SLC6A19: variants seen among roughly 807,000 people sequenced by gnomAD.
The protein encoded by SLC6A19 is solute carrier family 6 member 19.
A neutral mutation model predicts 68.3 loss-of-function variants in SLC6A19; 67 were observed. The ratio of observed to expected loss-of-function variants is 0.98; its 90% confidence interval spans 0.81 to 1.20. The LOEUF is 1.20. SLC6A19 is among the 50% of genes most tolerant of loss of function. The pLI, the probability that SLC6A19 is intolerant of heterozygous loss-of-function variation, is 0.00. For synonymous variants in SLC6A19, 392 were observed against 374.9 expected (o/e 1.05, Z -0.53); for missense variants, 813 against 851.6 (o/e 0.95, Z 0.56).
chr5:1,219,779 G>C, intron 10 of SLC6A19, 115 bp downstream of exon 10: 1 of 1,455,698 alleles, frequency 6.9e-7, no homozygotes, highest in Non-Finnish European at 9.5e-7. Context: ...TCTATGACTC[G>C]GGGCCTCGGC....
intron 1 of SLC6A19, 75 bp from the exon 2 acceptor site, chr5:1,208,671 A>T (rs1745923875): frequency 6.2e-7 from 1 of 1,606,230 alleles, no homozygotes; most frequent in Admixed American, 1.7e-5. Flanking sequence ...TTTGCTGTGA[A>T]TGCCTGCTCC....
chr5:1,204,678 C>T (rs1447354003), intron 1 of SLC6A19, among the ~76,000 whole-genome samples: 2 of 152,086 alleles, frequency 1.3e-5, no homozygotes, highest in African/African-American at 4.8e-5. Context: ...GGCTGCCCCC[C>T]CAGCTCCTCT....
chr5:1,204,240 T>C (rs1745791557), intron 1 of SLC6A19, among the ~76,000 whole-genome samples: 1 of 152,220 alleles, frequency 6.6e-6, no homozygotes, highest in Non-Finnish European at 1.5e-5. Context: ...GAGTCTCCTG[T>C]GTCTTAACAG....
chr5:1,205,581 A>G (rs1174868932), intron 1 of SLC6A19, among the ~76,000 whole-genome samples: 1 of 152,326 alleles, frequency 6.6e-6, no homozygotes, highest in South Asian at 2.1e-4. Context: ...AAGAGGGGAC[A>G]CCCTGGTGGG....
chr5:1,201,782 C>T lies in SLC6A19; in HGVS notation c.132C>T (p.Thr44=), dbSNP rs770600548. Residue 44 remains threonine, a synonymous_variant, in exon 1 of 12, where the codon ACC becomes ACT. Transcript: ENST00000304460. ...KWDNKAQYML[T]CLGFCVGLGN... is the part of the protein sequence containing the mutation. Reference sequence around the variant, plus strand: ...ACAACAAGGCGCAGTACATGCTCACCTGCCTGGGCTTCTGCGTGGGCCTCG... The same window carrying T: ...ACAACAAGGCGCAGTACATGCTCACTTGCCTGGGCTTCTGCGTGGGCCTCG... 2.9e-5 allele frequency: 47 copies of T among 1,612,662 alleles called. No homozygotes were observed. The South Asian group carries it at 4.9e-4, about 17-fold the overall frequency.
In SLC6A19 at chr5:1,208,870, G is replaced by A. The variant is rs114684753; in HGVS notation, c.327G>A (p.Pro109=). ...GSLGVWSSIH[P]ALKGLGLASM... is the part of the protein sequence containing the mutation. ...TGGGTGTGTGGAGCTCCATCCACCC[G>A]GCCCTGAAGGGCCTAGGTGAGTGCC... The change falls in exon 2 of 12, where the codon CCG becomes CCA. Residue 109 remains proline (P), a synonymous_variant. Transcript: ENST00000304460. 1,454 of 1,612,100 alleles carry A rather than the reference G, an allele frequency of 9.0e-4. 12 individuals are homozygous for A. The African/African-American group carries it at 0.017, about 19-fold the overall frequency.
At chr5:1,216,510 G>A in intron 6 of SLC6A19, 48 bp from the exon 7 acceptor site, 1 of 1,613,040 alleles carries the variant, frequency 6.2e-7, no homozygotes, top group Non-Finnish European at 8.5e-7. Context: ...GCTGTGTCCT[G>A]ACCTGGGACC....
intron 6 of SLC6A19, among the ~76,000 whole-genome samples, chr5:1,216,159 C>T (rs1225386767): frequency 3.9e-5 from 6 of 152,140 alleles, no homozygotes; most frequent in African/African-American, 1.2e-4. Flanking sequence ...CTGGACAGGA[C>T]GCCTAGGGTG....
intron 1 of SLC6A19, 103 bp downstream of exon 1, chr5:1,201,955 A>T: frequency 7.1e-7 from 1 of 1,407,042 alleles, no homozygotes; most frequent in Admixed American, 2.1e-5. Flanking sequence ...CGGCTCCCCA[A>T]GCACGGAGGG....
chr5:1,218,886 G>A lies in SLC6A19; in HGVS notation c.1174-17G>A, dbSNP rs554085286. The A allele has an allele frequency of 1.2e-5, 19 of 1,611,044 alleles. No homozygotes were observed. The highest frequency in any genetic ancestry group is 2.7e-5 in the African/African-American group (2 of 75,018). ...ACGGAGGGCAGAGGCCCTGGTGACT[G>A]TGTGTCATCCGTGCAGGCCGTGGAG... is the stretch of plus-strand genomic sequence containing the variant. On this transcript the variant is annotated splice_polypyrimidine_tract_variant and intron_variant, in intron 8 of 11. Coordinates refer to ENST00000304460, the MANE Select transcript of SLC6A19 (RefSeq NM_001003841.3).
chr5:1,207,213 G>A (rs905981658), intron 1 of SLC6A19, among the ~76,000 whole-genome samples: 3 of 152,196 alleles, frequency 2.0e-5, no homozygotes, highest in African/African-American at 4.8e-5. Context: ...TGCCCTGGCC[G>A]GATGGGAGCC....
In SLC6A19 at chr5:1,212,811, A is replaced by G. The variant is rs1746081738; in HGVS notation, c.663+327A>G. ...TGATGATGGTGATGATGGTGATGATAAAACAGGAAAGTGGAAATGGAAGAG... is the reference window on the plus strand; with the variant it reads ...TGATGATGGTGATGATGGTGATGATGAAACAGGAAAGTGGAAATGGAAGAG... On this transcript the variant is annotated intron_variant, in intron 4 of 11. Transcript: ENST00000304460. This position sits in a 1 kb window ranked among gnomAD's most constrained non-coding sequence, Gnocchi z 5.1. Among the ~76,000 whole-genome samples, 4 of 152,084 alleles carry G rather than the reference A, an allele frequency of 2.6e-5. No homozygotes were observed. The highest frequency in any genetic ancestry group is 4.4e-5 in the Non-Finnish European group (3 of 67,996).
In SLC6A19 at chr5:1,219,117, C is replaced by T. The variant is rs1300938120; in HGVS notation, c.1378+10C>T. 1 of 1,606,532 alleles carries T rather than the reference C, an allele frequency of 6.2e-7. No homozygotes were observed. Among genetic ancestry groups the T allele is most frequent in the Non-Finnish European group, 8.5e-7 (1 of 1,176,754 alleles). The stretch of plus-strand genomic sequence containing the variant: ...AAGGAGGTGCTCACAGGTACGTGTG[C>T]AGTCGGGAGGGGTCCCCATGGCAAT... On this transcript the variant is annotated intron_variant, in intron 9 of 11. Coordinates refer to ENST00000304460, the MANE Select transcript of SLC6A19 (RefSeq NM_001003841.3).
In SLC6A19 at chr5:1,214,505, C is replaced by T. The variant is rs1327123531; in HGVS notation, c.887+440C>T. Among the ~76,000 whole-genome samples, 1 of 152,190 alleles carries T rather than the reference C, an allele frequency of 6.6e-6. No homozygotes were observed. Among genetic ancestry groups the T allele is most frequent in the Non-Finnish European group, 1.5e-5 (1 of 68,028 alleles). On this transcript the variant is annotated intron_variant, in intron 6 of 11. Transcript: ENST00000304460. The surrounding 1 kb of genome is among the most constrained non-coding windows in gnomAD (Gnocchi z 7.4). The stretch of plus-strand genomic sequence containing the variant: ...CGTACCCACTGCGCTTCCCAATGCC[C>T]CTGGGAAGGATGCATACCCTGGAGT...
At chr5:1,218,345 C>T (rs151055751) in intron 8 of SLC6A19, among the ~76,000 whole-genome samples, 18 of 152,254 alleles carry the variant, frequency 1.2e-4, no homozygotes, top group African/African-American at 4.3e-4. Flanking sequence ...GGTTTTTCTC[C>T]GGAGATTCCA....
chr5:1,219,114 G>C lies in SLC6A19; in HGVS notation c.1378+7G>C. 2 of 1,607,876 alleles carry C rather than the reference G, an allele frequency of 1.2e-6. No individual in the cohort carries two copies. The highest frequency in any genetic ancestry group is 8.5e-7 in the Non-Finnish European group (1 of 1,177,348). ...CCCAAGGAGGTGCTCACAGGTACGT[G>C]TGCAGTCGGGAGGGGTCCCCATGGC... On this transcript the variant is annotated splice_region_variant and intron_variant, in intron 9 of 11. Coordinates refer to ENST00000304460, the MANE Select transcript of SLC6A19 (RefSeq NM_001003841.3).
Position 1,216,487 on chromosome 5 carries a change from G to A in SLC6A19, c.888-71G>A. The A allele has an allele frequency of 3.1e-6, 5 of 1,609,152 alleles. No individual in the cohort carries two copies. The South Asian group carries it at 3.3e-5, about 11-fold the overall frequency. On this transcript the variant is annotated intron_variant, in intron 6 of 11. Coordinates refer to ENST00000304460, the MANE Select transcript of SLC6A19 (RefSeq NM_001003841.3). ...GGGCTGGCGCTCTGGGCGGGATGCG[G>A]ATGCTGCCCTGGGCTGTGTCCTGAC...
Position 1,213,994 on chromosome 5 carries a change from C to A in SLC6A19, c.816C>A (p.Gly272=). Residue 272 remains glycine (G), a synonymous_variant, in exon 6 of 12, where the codon GGC becomes GGA. Coordinates refer to ENST00000304460, the MANE Select transcript of SLC6A19 (RefSeq NM_001003841.3). ...AGCCGGACACCTGGCTGGACGCGGG[C>A]GCACAGGTCTTCTTCTCCTTCTCCC... ...LAQPDTWLDA[G]AQVFFSFSLA... is the part of the protein sequence containing the mutation. The A allele has an allele frequency of 1.9e-6, 3 of 1,613,610 alleles. No homozygotes were observed. The highest frequency in any genetic ancestry group is 2.5e-6 in the Non-Finnish European group (3 of 1,180,012).
Position 1,213,890 on chromosome 5 carries a change from CCCT to C in SLC6A19, c.775-60_775-58del, listed in dbSNP as rs138649942. ...CCCTCCCCGCCTCCCTGGGAGCACACCCTCCCAGGTCCCCATGGCCCCATCTGC... is the reference window on the plus strand; with the variant it reads ...CCCTCCCCGCCTCCCTGGGAGCACACCCCAGGTCCCCATGGCCCCATCTGC... On this transcript the variant is annotated intron_variant, in intron 5 of 11. Transcript: ENST00000304460. The C allele has an allele frequency of 0.49, 780,599 of 1,605,528 alleles. 197,236 individuals carry two copies. The highest frequency in any genetic ancestry group is 0.53 in the Non-Finnish European group (625,941 of 1,178,932).
Sources: allele counts gnomAD v4.1 joint callset (sites outside exome capture counted in the v4.1 genomes callset), GRCh38; gene constraint gnomAD v4.1.1; non-coding constraint Gnocchi (gnomAD v3.1); transcripts MANE v1.5; gene names NCBI Gene and HGNC (gene_info 2026-07-23, HGNC 2026-07-21).